The following CCDC178 variants were observed in gnomAD, a reference collection of about 807,000 sequenced individuals.
CCDC178 encodes the protein coiled-coil domain-containing protein 178.
A neutral mutation model predicts 117.4 loss-of-function variants in CCDC178; 126 were observed. The ratio of observed to expected loss-of-function variants is 1.07; its 90% CI spans 0.93 to 1.24. The LOEUF (loss-of-function observed/expected upper bound fraction) is 1.24. Among genes scored for constraint, CCDC178 ranks in the 50% most tolerant of loss-of-function variants. The pLI is 0.00. For missense variants in CCDC178, 1,030 were observed against 986.9 expected, an observed-to-expected ratio of 1.04 and a Z score of -0.59; for synonymous variants, 283 against 313.4, an observed-to-expected ratio of 0.90 and a Z score of 1.02.
intron 21 of CCDC178, among the ~76,000 whole-genome samples, chr18:33,073,099 A>AT (rs1441134486): frequency 2.0e-3 from 300 of 151,750 alleles, no homozygotes; most frequent in African/African-American, 6.4e-3. Context: ...GCCCTTATTA[A>AT]TTTTTTCTTT....
chr18:33,185,024 CT>C (rs921790832), intron 20 of CCDC178, among the ~76,000 whole-genome samples: 1 of 151,024 alleles, frequency 6.6e-6, no homozygotes, highest in African/African-American at 2.4e-5. Context: ...CTGTACACAG[CT>C]TTTTTTTTCT....
At chr18:33,433,770 CAA>C (rs2064251362) in intron 2 of CCDC178, among the ~76,000 whole-genome samples, 1 of 146,734 alleles carries the variant, frequency 6.8e-6, no homozygotes, top group African/African-American at 2.5e-5. Flanking sequence ...CATGACTGAC[CAA>C]TAATTCAATA....
chr18:33,124,019 A>G (rs183812834), intron 20 of CCDC178, among the ~76,000 whole-genome samples: 1 of 152,282 alleles, frequency 6.6e-6, no homozygotes, highest in East Asian at 1.9e-4. Context: ...AACCCAGCAG[A>G]AAGAGCGGCT....
intron 3 of CCDC178, among the ~76,000 whole-genome samples, chr18:33,399,958 G>A (rs1204502973): frequency 6.6e-6 from 1 of 152,038 alleles, no homozygotes; most frequent in East Asian, 1.9e-4. Flanking sequence ...ATAAAACTTG[G>A]AAGTTAAAAT....
At chr18:33,283,546 A>T (rs987777855) in intron 12 of CCDC178, among the ~76,000 whole-genome samples, 5 of 152,244 alleles carry the variant, frequency 3.3e-5, no homozygotes, top group African/African-American at 1.2e-4. Context: ...TAGCGTTTAT[A>T]AGGAACTTAA....
chr18:32,998,717 C>T (rs532148070), intron 21 of CCDC178, among the ~76,000 whole-genome samples: 4 of 152,244 alleles, frequency 2.6e-5, no homozygotes, highest in Admixed American at 6.5e-5. Flanking sequence ...TAATTCTAGA[C>T]ACAGCCTGGG....
rs530281390 is a variant in CCDC178 at position 33,196,405 on chromosome 18, G to A, written c.2238+15491C>T. 6.6e-5 allele frequency among the ~76,000 whole-genome samples: 10 copies of A among 152,164 alleles called. No homozygotes were observed. The East Asian group carries it at 1.6e-3, about 24-fold the overall frequency. ...CCGTATTTAGACCCTTCCTGGACTCGGTGCTATATGTTTCCCCTTGGCTAA... is the reference window on the plus strand; with the variant it reads ...CCGTATTTAGACCCTTCCTGGACTCAGTGCTATATGTTTCCCCTTGGCTAA... On this transcript the variant is annotated intron_variant, in intron 20 of 22. Coordinates refer to ENST00000383096, the MANE Select transcript of CCDC178 (RefSeq NM_001105528.4).
chr18:33,335,641 A>G (rs2062730100), intron 9 of CCDC178, among the ~76,000 whole-genome samples: 1 of 152,074 alleles, frequency 6.6e-6, no homozygotes, highest in African/African-American at 2.4e-5. Flanking sequence ...AATTTAACCA[A>G]TTATTAAATT....
intron 21 of CCDC178, among the ~76,000 whole-genome samples, chr18:33,063,767 C>A (rs1598843405): frequency 6.6e-6 from 1 of 152,294 alleles, no homozygotes; most frequent in African/African-American, 2.4e-5. Flanking sequence ...CCCCTGTATA[C>A]CACCTGGAGT....
chr18:33,209,238 T>C (rs2059080243), intron 20 of CCDC178, among the ~76,000 whole-genome samples: 1 of 152,054 alleles, frequency 6.6e-6, no homozygotes, highest in Non-Finnish European at 1.5e-5. Flanking sequence ...TATGGATATA[T>C]GATATGGAAT....
chr18:33,018,135 C>T (rs964263713), intron 21 of CCDC178, among the ~76,000 whole-genome samples: 7 of 151,912 alleles, frequency 4.6e-5, no homozygotes, highest in South Asian at 2.1e-4. Flanking sequence ...TTTGAATAGA[C>T]GTTTATCCAA....
chr18:33,031,830 A>G (rs2056349482), intron 21 of CCDC178, among the ~76,000 whole-genome samples: 1 of 152,198 alleles, frequency 6.6e-6, no homozygotes, highest in African/African-American at 2.4e-5. Context: ...ATAAAAATAA[A>G]AATATCTCTC....
chr18:33,027,964 A>G (rs2056261009), intron 21 of CCDC178, among the ~76,000 whole-genome samples: 1 of 151,798 alleles, frequency 6.6e-6, no homozygotes, highest in South Asian at 2.1e-4. Context: ...ATATTTAGAA[A>G]TAAATCTTAA....
At chr18:32,986,131 AC>A (rs2055257836) in intron 21 of CCDC178, among the ~76,000 whole-genome samples, 2 of 152,150 alleles carry the variant, frequency 1.3e-5, no homozygotes, top group South Asian at 4.1e-4. Context: ...AAAAGAGTTC[AC>A]TAGACACTCT....
chr18:33,076,455 C>T (rs2145016146), intron 21 of CCDC178, among the ~76,000 whole-genome samples: 1 of 152,346 alleles, frequency 6.6e-6, no homozygotes, highest in African/African-American at 2.4e-5. Context: ...CCATTGCTTA[C>T]TGCCGCATTT....
intron 20 of CCDC178, among the ~76,000 whole-genome samples, chr18:33,210,426 G>A (rs1022459574): frequency 6.6e-6 from 1 of 151,922 alleles, no homozygotes; most frequent in African/African-American, 2.4e-5. Flanking sequence ...TTAGAGGCTG[G>A]TTATAGAGGA....
At chr18:33,148,727 A>T (rs2058304994) in intron 20 of CCDC178, among the ~76,000 whole-genome samples, 1 of 152,208 alleles carries the variant, frequency 6.6e-6, no homozygotes, top group Non-Finnish European at 1.5e-5. Context: ...CATCTGTCTG[A>T]ATCTAGAGAT....
chr18:33,124,165 T>C (rs2057973155), intron 20 of CCDC178, among the ~76,000 whole-genome samples: 1 of 152,212 alleles, frequency 6.6e-6, no homozygotes, highest in South Asian at 2.1e-4. Context: ...TGATGGTGTC[T>C]GCAGTTTGCA....
At chr18:33,193,187 C>T (rs1163515494) in intron 20 of CCDC178, among the ~76,000 whole-genome samples, 5 of 147,556 alleles carry the variant, frequency 3.4e-5, no homozygotes. Context: ...GGCGTGAACC[C>T]GGGAGGTGGA....
Sources: allele counts gnomAD v4.1 joint callset (sites outside exome capture counted in the v4.1 genomes callset), GRCh38; gene constraint gnomAD v4.1.1; transcripts MANE v1.5; gene names NCBI Gene and HGNC (gene_info 2026-07-23, HGNC 2026-07-21).